TRRAP: variants seen among roughly 807,000 people sequenced by gnomAD.
TRRAP encodes transformation/transcription domain associated protein.
TRRAP carries 41 observed loss-of-function variants against 438.8 expected under a neutral mutation model. That is an observed-to-expected ratio of 0.09 (90% CI 0.07 to 0.12). The LOEUF is 0.12. TRRAP is among the 10% of genes least tolerant of loss of function. TRRAP has a pLI of 1.00. For missense variants in TRRAP, 3,122 were observed against 5,055.1 expected (o/e 0.62, Z 11.60); for synonymous variants, 1,994 against 1,962.9 (o/e 1.02, Z -0.42).
Position 99,012,680 on chromosome 7 carries a change from G to A in TRRAP, c.*325G>A. The A allele has an allele frequency of 2.7e-6, 1 of 371,618 alleles. No homozygotes were observed. Among genetic ancestry groups the A allele is most frequent in the Non-Finnish European group, 4.9e-6 (1 of 203,574 alleles). The allele number at this position is 371,618 out of a possible 1,614,324, so 23.0% of individuals were successfully genotyped here. A position where few individuals can be genotyped will look rare whatever the true frequency, so the allele number is the denominator to read the frequency against. ...TTTTTTTATGGTGTCCTCCCTCTGT[G>A]AATGTACAGGCGGAACTGTACGAAC... On this transcript the variant is annotated 3_prime_UTR_variant, in exon 73 of 73. Transcript: ENST00000456197. The surrounding 1 kb of genome is among the most constrained non-coding windows in gnomAD (Gnocchi z 5.9).
At chr7:98,984,406 A>C in intron 61 of TRRAP, 48 bp downstream of exon 61, 2 of 1,483,896 alleles carry the variant, frequency 1.3e-6, no homozygotes, top group Non-Finnish European at 1.8e-6. Flanking sequence ...GATTGAGGCC[A>C]GGTGGAGAAT....
Position 98,956,352 on chromosome 7 carries a change from C to A in TRRAP, c.6097-47C>A. ...TGCCCCGATCGTCTTCCTTTGACTT[C>A]TCCCTAGAAATCAGTCAGTAAAACC... On this transcript the variant is annotated intron_variant, in intron 42 of 72. Transcript: ENST00000456197. The surrounding 1 kb of genome is among the most constrained non-coding windows in gnomAD (Gnocchi z 4.5). 6.2e-7 allele frequency: 1 copy of A among 1,613,202 alleles called. No homozygotes were observed. Among genetic ancestry groups the A allele is most frequent in the Non-Finnish European group, 8.5e-7 (1 of 1,179,408 alleles).
chr7:98,980,756 A>C (rs1174008010), intron 58 of TRRAP, among the ~76,000 whole-genome samples: 3 of 152,282 alleles, frequency 2.0e-5, no homozygotes, highest in African/African-American at 7.2e-5. Context: ...GAAGCAATTC[A>C]AAATTACACC....
intron 66 of TRRAP, 107 bp downstream of exon 66, chr7:98,993,844 T>C: frequency 1.7e-6 from 2 of 1,159,044 alleles, no homozygotes; most frequent in Non-Finnish European, 1.2e-6. Context: ...GGTCCTTTTA[T>C]ATATTTGTTG....
intron 6 of TRRAP, 41 bp from the exon 7 acceptor site, chr7:98,895,723 T>G (rs782137837): frequency 2.6e-6 from 4 of 1,526,084 alleles, no homozygotes; most frequent in African/African-American, 2.8e-5. Flanking sequence ...ATTTTCTGTT[T>G]ATGAATATCT....
At position 99,012,236 on chromosome 7, in the gene TRRAP, C is replaced by T. The variant is rs1409763164; in HGVS notation, c.11503C>T (p.Arg3835Cys). The change falls in exon 73 of 73, where the codon CGC (arginine) becomes TGC (cysteine). Residue 3835 changes from arginine (R) to cysteine (C), a missense_variant. Arg to Cys is a radical substitution (Grantham distance 180). Transcript: ENST00000456197. This position sits in a 1 kb window ranked among gnomAD's most constrained non-coding sequence, Gnocchi z 5.9. Reference sequence around the variant, plus strand: ...GAAAGCCGTCACCGCCATCATGACCCGCCTGCACAACCTCGCCCAGTTCGA... The same window carrying T: ...GAAAGCCGTCACCGCCATCATGACCTGCCTGCACAACCTCGCCCAGTTCGA... ...VQKAVTAIMT[R>C]LHNLAQFEGG... 1.9e-6 allele frequency: 3 copies of T among 1,614,180 alleles called. No homozygotes were observed. Among genetic ancestry groups the T allele is most frequent in the Non-Finnish European group, 1.7e-6 (2 of 1,180,028 alleles).
At chr7:98,914,143 C>A (rs1041317528) in intron 18 of TRRAP, among the ~76,000 whole-genome samples, 1 of 152,120 alleles carries the variant, frequency 6.6e-6, no homozygotes, top group Non-Finnish European at 1.5e-5. Context: ...TCTTATAATT[C>A]TAGCACTTCC....
At chr7:98,907,612 C>T (rs1796841052) in intron 13 of TRRAP, among the ~76,000 whole-genome samples, 1 of 152,208 alleles carries the variant, frequency 6.6e-6, no homozygotes, top group African/African-American at 2.4e-5. Flanking sequence ...CCTCCAGTGG[C>T]TTTCTGTAGT....
intron 11 of TRRAP, among the ~76,000 whole-genome samples, chr7:98,902,080 A>G (rs926512161): frequency 5.3e-5 from 8 of 152,280 alleles, no homozygotes; most frequent in African/African-American, 1.9e-4. Flanking sequence ...ATTTTTGGCC[A>G]TTATTAATAA....
intron 58 of TRRAP, among the ~76,000 whole-genome samples, chr7:98,979,297 A>G (rs1792807370): frequency 6.6e-6 from 1 of 152,182 alleles, no homozygotes; most frequent in South Asian, 2.1e-4. Context: ...AAATCCACGG[A>G]CACTCAAGTC....
chr7:98,978,190 A>T (rs751744456), intron 56 of TRRAP, 21 bp from the exon 57 acceptor site: 35 of 1,591,444 alleles, frequency 2.2e-5, no homozygotes, highest in Non-Finnish European at 2.9e-5. Flanking sequence ...ACAGTGATTT[A>T]AAAACATTAA....
At chr7:98,997,043 C>T (rs1218427432) in intron 67 of TRRAP, among the ~76,000 whole-genome samples, 5 of 151,910 alleles carry the variant, frequency 3.3e-5, no homozygotes, top group East Asian at 1.9e-4. Flanking sequence ...CGGTGGCTCA[C>T]GTCTGTAATC....
At chr7:98,933,706 A>G (rs1223709561) in intron 27 of TRRAP, among the ~76,000 whole-genome samples, 2 of 152,250 alleles carry the variant, frequency 1.3e-5, no homozygotes, top group Non-Finnish European at 2.9e-5. Context: ...AGCTGCACCC[A>G]GTTGCTTTAA....
intron 45 of TRRAP, among the ~76,000 whole-genome samples, chr7:98,960,460 C>A (rs532298570): frequency 2.0e-5 from 3 of 152,148 alleles, no homozygotes; most frequent in Admixed American, 1.3e-4. Flanking sequence ...CTATGAACCA[C>A]GAACTCTGTC....
rs1282799311 is a variant in TRRAP, at chr7:98,903,659, CCT to C, written c.1036+145_1036+146del. ...TTGCTGTCTTGGGTTCATTCTTTCC[CCT>C]CTTTTCTCTCCCTCTCTGCCTCCCT... is the stretch of plus-strand genomic sequence containing the variant. On this transcript the variant is annotated intron_variant, in intron 12 of 72. Coordinates refer to ENST00000456197, the MANE Select transcript of TRRAP (RefSeq NM_001375524.1). 20 of 1,213,230 alleles carry C rather than the reference CCT, an allele frequency of 1.6e-5. No homozygotes were observed. The African/African-American group carries it at 3.0e-4, about 18-fold the overall frequency. The allele number at this position is 1,213,230 out of a possible 1,614,324, so 75.2% of individuals were successfully genotyped here. A position where few individuals can be genotyped will look rare whatever the true frequency, so the allele number is the denominator to read the frequency against.
At chr7:98,907,836 C>T (rs1193660229) in intron 13 of TRRAP, among the ~76,000 whole-genome samples, 1 of 150,136 alleles carries the variant, frequency 6.7e-6, no homozygotes, top group East Asian at 1.9e-4. Flanking sequence ...CTACAGCTCC[C>T]CTCCCTGACC....
chr7:99,000,307 A>G lies in TRRAP; in HGVS notation c.10310-3883A>G, dbSNP rs1322472347. On this transcript the variant is annotated intron_variant, in intron 67 of 72. Coordinates refer to ENST00000456197, the MANE Select transcript of TRRAP (RefSeq NM_001375524.1). ...TACAGGTGTGAGTCACTGCCCGGCC[A>G]TGTATTTCAGTTTAGAGTGGAGTTC... Among the ~76,000 whole-genome samples the G allele has an allele frequency of 6.6e-5, 10 of 152,140 alleles. No individual in the cohort carries two copies. The East Asian group carries it at 1.7e-3, about 26-fold the overall frequency.
chr7:98,964,080 TA>T (rs532793958), intron 47 of TRRAP, among the ~76,000 whole-genome samples: 2,117 of 118,718 alleles, frequency 0.018, 19 homozygotes, highest in African/African-American at 0.038. Context: ...GACTCGACAT[TA>T]AAAAAAAAAA....
chr7:98,962,317 C>T lies in TRRAP; in HGVS notation c.6719C>T (p.Ala2240Val). Reference protein sequence around the residue: ...FPTEPSTSSVASKYEELECLY... With the variant: ...FPTEPSTSSVVSKYEELECLY... Reference sequence around the variant, plus strand: ...CCTGTTGTAGGTACTTCCAGTGTGGCCTCCAAATATGAAGAGCTGGAGTGC... The same window carrying T: ...CCTGTTGTAGGTACTTCCAGTGTGGTCTCCAAATATGAAGAGCTGGAGTGC... The change falls in exon 47 of 73, where the codon GCC becomes GTC. Residue 2240 changes from alanine (A) to valine (V), a missense_variant. By Grantham distance (64) the Ala-to-Val change is moderately conservative. Transcript: ENST00000456197. 1 of 1,614,132 alleles carries T rather than the reference C, an allele frequency of 6.2e-7. No homozygotes were observed. The highest frequency in any genetic ancestry group is 1.1e-5 in the South Asian group (1 of 91,082).
Sources: gnomAD v4.1 joint callset for allele counts (sites outside exome capture counted in the v4.1 genomes callset) on GRCh38, gnomAD v4.1.1 for gene constraint, Gnocchi (gnomAD v3.1) non-coding constraint, MANE v1.5 for transcripts, NCBI Gene and HGNC (gene_info 2026-07-23, HGNC 2026-07-21) for gene names.